Variants in AFG2A observed in about 807,000 individuals in gnomAD.
The protein encoded by AFG2A is ATPase family gene 2 protein homolog A.
At chr4:123,105,010 A>G in the AFG2A span, among the ~76,000 whole-genome samples, 1 of 152,258 alleles carries the variant, frequency 6.6e-6, no homozygotes, top group Non-Finnish European at 1.5e-5. Flanking sequence ...TAATGTAGCA[A>G]AAACAGCCTT....
the AFG2A span, among the ~76,000 whole-genome samples, chr4:123,207,321 A>G: frequency 8.6e-6 from 1 of 116,176 alleles, no homozygotes; most frequent in South Asian, 2.5e-4. Context: ...GACACGGTCT[A>G]GCTCTGTCGT....
At chr4:122,946,296 T>C in the AFG2A span, among the ~76,000 whole-genome samples, 1 of 152,248 alleles carries the variant, frequency 6.6e-6, no homozygotes, top group African/African-American at 2.4e-5. Context: ...ATCTTAATTA[T>C]TTCAATCTGC....
At chr4:123,126,981 G>C in the AFG2A span, among the ~76,000 whole-genome samples, 16 of 152,138 alleles carry the variant, frequency 1.1e-4, no homozygotes, top group Non-Finnish European at 2.4e-4. Context: ...AACATTTTGG[G>C]AGCCTGGGGC....
the AFG2A span, chr4:122,936,227 C>CT: frequency 2.6e-6 from 3 of 1,165,854 alleles, no homozygotes; most frequent in Non-Finnish European, 3.6e-6. Flanking sequence ...ATACTAGCAC[C>CT]TTATACAAAG....
chr4:123,026,301 A>G, the AFG2A span, among the ~76,000 whole-genome samples: 1,770 of 152,286 alleles, frequency 0.012, 14 homozygotes, highest in Middle Eastern at 0.078. Flanking sequence ...GTTATTATTC[A>G]CTACAAAGCT....
chr4:123,255,211 C>T, the AFG2A span, among the ~76,000 whole-genome samples: 3 of 152,174 alleles, frequency 2.0e-5, no homozygotes, highest in Admixed American at 6.5e-5. Flanking sequence ...GCAGTCTGCC[C>T]TCCTTGCCCT....
chr4:123,055,164 T>C, the AFG2A span, among the ~76,000 whole-genome samples: 1 of 152,180 alleles, frequency 6.6e-6, no homozygotes, highest in Non-Finnish European at 1.5e-5. Context: ...ATTCATTGTA[T>C]GTAATTTAAA....
chr4:123,220,883 A>T, the AFG2A span, among the ~76,000 whole-genome samples: 1 of 152,170 alleles, frequency 6.6e-6, no homozygotes, highest in African/African-American at 2.4e-5. Context: ...ACATGTTTTT[A>T]TGAGGTTAAT....
the AFG2A span, among the ~76,000 whole-genome samples, chr4:123,293,935 G>T: frequency 1.3e-5 from 2 of 152,308 alleles, no homozygotes; most frequent in South Asian, 2.1e-4. Context: ...GATTCTCCCA[G>T]TGAACTCTGT....
At chr4:123,160,110 A>G in the AFG2A span, among the ~76,000 whole-genome samples, 4 of 151,990 alleles carry the variant, frequency 2.6e-5, no homozygotes, top group Non-Finnish European at 5.9e-5. Flanking sequence ...TATTTTACCA[A>G]GTTGTGCTAC....
chr4:123,241,526 A>C, the AFG2A span, among the ~76,000 whole-genome samples: 1 of 152,212 alleles, frequency 6.6e-6, no homozygotes, highest in Non-Finnish European at 1.5e-5. Context: ...AACCAATGAC[A>C]AAAACCACAT....
At chr4:123,147,107 C>T in the AFG2A span, among the ~76,000 whole-genome samples, 1 of 152,152 alleles carries the variant, frequency 6.6e-6, no homozygotes, top group African/African-American at 2.4e-5. Flanking sequence ...TGTTATCTTA[C>T]TCTAACACTT....
At chr4:123,317,808 G>A in the AFG2A span, 1 of 152,196 alleles carries the variant, frequency 6.6e-6, no homozygotes, top group Non-Finnish European at 1.5e-5. Flanking sequence ...AACAAAGAAT[G>A]TTTTAGAGGA....
the AFG2A span, among the ~76,000 whole-genome samples, chr4:123,179,513 A>G: frequency 6.6e-6 from 1 of 152,082 alleles, no homozygotes. Flanking sequence ...ACACCTGGCT[A>G]ATTTATTTCA....
At chr4:123,111,459 A>G in the AFG2A span, among the ~76,000 whole-genome samples, 1 of 152,204 alleles carries the variant, frequency 6.6e-6, no homozygotes, top group African/African-American at 2.4e-5. Context: ...TGTATATTAA[A>G]GTCTTATGGT....
At chr4:123,076,718 T>C in the AFG2A span, among the ~76,000 whole-genome samples, 2 of 152,052 alleles carry the variant, frequency 1.3e-5, no homozygotes, top group Non-Finnish European at 2.9e-5. Flanking sequence ...AAGGAGACTT[T>C]TTGCTTTTGA....
At chr4:123,013,040 C>T in the AFG2A span, among the ~76,000 whole-genome samples, 24 of 151,982 alleles carry the variant, frequency 1.6e-4, no homozygotes, top group Middle Eastern at 6.8e-3. Context: ...GGGCTGAGTC[C>T]GAAAAGAGAG....
At chr4:123,150,143 T>C in the AFG2A span, among the ~76,000 whole-genome samples, 1 of 152,084 alleles carries the variant, frequency 6.6e-6, no homozygotes, top group African/African-American at 2.4e-5. Flanking sequence ...TAAGAGCTAT[T>C]CATGACAAAC....
At chr4:123,015,649 T>G in the AFG2A span, among the ~76,000 whole-genome samples, 2 of 151,106 alleles carry the variant, frequency 1.3e-5, no homozygotes, top group African/African-American at 2.4e-5. Context: ...CCCCTTTCTG[T>G]TCCACAAAAC....
Sources: gnomAD v4.1 joint callset for allele counts (sites outside exome capture counted in the v4.1 genomes callset) on GRCh38, gnomAD v4.1.1 for gene constraint, MANE v1.5 for transcripts, NCBI Gene and HGNC (gene_info 2026-07-23, HGNC 2026-07-21) for gene names.